The following CNTLN variants were observed in gnomAD, a reference collection of about 807,000 sequenced individuals.
The protein encoded by CNTLN is centlein, centrosomal protein.
In CNTLN, 212 loss-of-function variants were observed where a neutral mutation model predicts 180.0. That is an observed-to-expected ratio of 1.18 (90% CI 1.05 to 1.32). CNTLN has a LOEUF of 1.32. Ranked by LOEUF, CNTLN falls within the 40% of genes most tolerant of loss-of-function variation. The pLI is 0.00. For synonymous variants in CNTLN, 722 were observed against 563.1 expected (o/e 1.28, Z -3.99); for missense variants, 2,095 against 1,610.9 (o/e 1.30, Z -5.14).
intron 2 of CNTLN, among the ~76,000 whole-genome samples, chr9:17,153,410 T>A (rs1005354380): frequency 2.6e-5 from 4 of 152,214 alleles, no homozygotes; most frequent in Admixed American, 2.0e-4. Flanking sequence ...CTCATTCGCT[T>A]ATGAAGCTTA....
At chr9:17,352,416 A>ATATATATATATATATTT (rs1469636947) in intron 12 of CNTLN, among the ~76,000 whole-genome samples, 6 of 31,302 alleles carry the variant, frequency 1.9e-4, no homozygotes, top group African/African-American at 5.9e-4. Context: ...ATATATATAT[A>ATATATATATATATATTT]TTTTTTTTTT....
chr9:17,299,819 G>C (rs1200519388), intron 7 of CNTLN: 2 of 983,602 alleles, frequency 2.0e-6, no homozygotes, highest in Admixed American at 6.2e-5. Flanking sequence ...TCTGTTGCTT[G>C]GAACATTTTT....
chr9:17,180,682 T>A (rs1377040611), intron 2 of CNTLN, among the ~76,000 whole-genome samples: 1 of 152,120 alleles, frequency 6.6e-6, no homozygotes, highest in East Asian at 1.9e-4. Context: ...AAATTTCTTT[T>A]CTATTTAGAA....
At chr9:17,425,021 T>C (rs1587959646) in intron 18 of CNTLN, among the ~76,000 whole-genome samples, 2 of 152,332 alleles carry the variant, frequency 1.3e-5, no homozygotes, top group Middle Eastern at 3.4e-3. Flanking sequence ...TGCTGTTTAG[T>C]GTATCTTCTA....
rs368966830 is a variant in CNTLN at position 17,226,488 on chromosome 9, T to C, written c.534+201T>C. ...TGTACCCTTTTGTTTTCTGAATTAA[T>C]AGATTATAACTCTTCATCTAATGTT... On this transcript the variant is annotated intron_variant, in intron 3 of 25. Coordinates refer to ENST00000380647, the MANE Select transcript of CNTLN (RefSeq NM_017738.4). Among the ~76,000 whole-genome samples the C allele has an allele frequency of 7.2e-5, 11 of 152,134 alleles. No individual in the cohort carries two copies. In the South Asian group the frequency reaches 2.3e-3, roughly 32 times the overall value.
Position 17,185,809 on chromosome 9 carries a change from G to A in CNTLN, c.450-40394G>A, listed in dbSNP as rs907117305. ...TGTGTGTGTGTGTGTGTGTATCTGT[G>A]TGTGTCAGGGTCCTGCTCTGTTGCC... On this transcript the variant is annotated intron_variant, in intron 2 of 25. Coordinates refer to ENST00000380647, the MANE Select transcript of CNTLN (RefSeq NM_017738.4). Among the ~76,000 whole-genome samples, 5 of 151,534 alleles carry A rather than the reference G, an allele frequency of 3.3e-5. No homozygotes were observed. The South Asian group carries it at 1.0e-3, about 32-fold the overall frequency.
chr9:17,421,881 C>T (rs187140282), intron 18 of CNTLN, among the ~76,000 whole-genome samples: 1 of 152,242 alleles, frequency 6.6e-6, no homozygotes, highest in East Asian at 1.9e-4. Context: ...TAACTTGATC[C>T]AATCCCCACT....
chr9:17,241,962 T>G (rs1351202241), intron 5 of CNTLN, among the ~76,000 whole-genome samples: 1 of 152,182 alleles, frequency 6.6e-6, no homozygotes, highest in African/African-American at 2.4e-5. Flanking sequence ...ACTCTTCAGG[T>G]TTTTCCAAAT....
intron 5 of CNTLN, among the ~76,000 whole-genome samples, chr9:17,269,372 C>G (rs1197006046): frequency 1.3e-5 from 2 of 151,496 alleles, no homozygotes; most frequent in Non-Finnish European, 2.9e-5. Flanking sequence ...ATTTTTCTTC[C>G]TTTTTAATGT....
intron 12 of CNTLN, among the ~76,000 whole-genome samples, chr9:17,359,742 A>AACAAAAAACAAAAACAAAAAC (rs1564027374): frequency 8.1e-6 from 1 of 123,024 alleles, no homozygotes; most frequent in Admixed American, 8.8e-5. Flanking sequence ...AAAAAAAAAA[A>AACAAAAAACAAAAACAAAAAC]AAAAAAAACT....
intron 2 of CNTLN, among the ~76,000 whole-genome samples, chr9:17,193,519 G>T (rs984101105): frequency 4.6e-5 from 7 of 152,082 alleles, no homozygotes; most frequent in Non-Finnish European, 7.4e-5. Context: ...CCAAAATTAT[G>T]TCCTTTGACT....
intron 19 of CNTLN, among the ~76,000 whole-genome samples, chr9:17,458,055 A>G (rs891174417): frequency 4.6e-5 from 7 of 151,916 alleles, no homozygotes; most frequent in Non-Finnish European, 1.5e-5. Flanking sequence ...CATAAACAGA[A>G]TTGCTTTTCT....
intron 21 of CNTLN, among the ~76,000 whole-genome samples, chr9:17,465,062 C>T (rs1340329602): frequency 6.7e-6 from 1 of 150,064 alleles, no homozygotes; most frequent in Non-Finnish European, 1.5e-5. Context: ...GTTGTACATG[C>T]AAAGGGAGTT....
chr9:17,478,801 G>C (rs141581647), intron 23 of CNTLN, among the ~76,000 whole-genome samples: 1 of 151,946 alleles, frequency 6.6e-6, no homozygotes, highest in Non-Finnish European at 1.5e-5. Flanking sequence ...ATTTATTACT[G>C]GGTTCTCTAT....
At chr9:17,401,763 G>GTATACTTGCTT (rs1826993446) in intron 15 of CNTLN, among the ~76,000 whole-genome samples, 1 of 151,712 alleles carries the variant, frequency 6.6e-6, no homozygotes, top group South Asian at 2.1e-4. Flanking sequence ...GCATCTCTAG[G>GTATACTTGCTT]AAGTATACTT....
intron 16 of CNTLN, among the ~76,000 whole-genome samples, chr9:17,413,210 C>T (rs34105027): frequency 0.48 from 72,071 of 151,716 alleles, 19,225 homozygotes; most frequent in Non-Finnish European, 0.6. Context: ...GATATTTCTA[C>T]GCAAAAAATA....
chr9:17,135,314 C>A lies in CNTLN; in HGVS notation c.249C>A (p.Pro83=). 3.7e-6 allele frequency: 6 copies of A among 1,602,138 alleles called. No individual in the cohort carries two copies. The highest frequency in any genetic ancestry group is 5.1e-6 in the Non-Finnish European group (6 of 1,175,262). ...APAHAPLLSA[P]MGSRRLEGIS... ...CTCATGCTCCCCTCCTCAGCGCGCC[C>A]ATGGGGTCCAGACGGCTAGAGGGCA... is the stretch of plus-strand genomic sequence containing the variant. The change falls in exon 1 of 26, where the codon CCC becomes CCA. Residue 83 remains proline (P), a synonymous_variant. Coordinates refer to ENST00000380647, the MANE Select transcript of CNTLN (RefSeq NM_017738.4).
chr9:17,260,195 C>T (rs1826846939), intron 5 of CNTLN, among the ~76,000 whole-genome samples: 1 of 148,246 alleles, frequency 6.7e-6, no homozygotes, highest in South Asian at 2.2e-4. Flanking sequence ...TCTTTGGTTT[C>T]AAAGAACATC....
intron 13 of CNTLN, among the ~76,000 whole-genome samples, chr9:17,367,692 G>A (rs1300196478): frequency 2.0e-5 from 3 of 152,094 alleles, no homozygotes; most frequent in African/African-American, 7.2e-5. Context: ...AGATTTATGA[G>A]ACCCTTATTC....
Sources: allele counts gnomAD v4.1 joint callset (sites outside exome capture counted in the v4.1 genomes callset), GRCh38; gene constraint gnomAD v4.1.1; transcripts MANE v1.5; gene names NCBI Gene and HGNC (gene_info 2026-07-23, HGNC 2026-07-21).